The following ARHGEF10L variants were observed in gnomAD, a reference collection of about 807,000 sequenced individuals.
The protein encoded by ARHGEF10L is Rho guanine nucleotide exchange factor 10 like, also known as rho guanine nucleotide exchange factor 10-like protein.
In ARHGEF10L, 69 loss-of-function variants were observed where a neutral mutation model predicts 141.2. That is an observed-to-expected ratio of 0.49 (90% confidence interval 0.40 to 0.60). The LOEUF is 0.60. ARHGEF10L is among the 20% of genes least tolerant of loss of function. The pLI is 0.00. For missense variants in ARHGEF10L, 1,482 were observed against 1,734.3 expected (o/e 0.85, Z 2.58); for synonymous variants, 711 against 718.5 (o/e 0.99, Z 0.17).
chr1:17,657,242 C>A (rs2062325081), intron 25 of ARHGEF10L, among the ~76,000 whole-genome samples: 1 of 152,194 alleles, frequency 6.6e-6, no homozygotes, highest in African/African-American at 2.4e-5. Context: ...GAGGGCAGGG[C>A]TAACCGTGTT....
intron 4 of ARHGEF10L, among the ~76,000 whole-genome samples, chr1:17,599,636 C>CCCATCA (rs1291886665): frequency 6.6e-6 from 1 of 152,144 alleles, no homozygotes; most frequent in African/African-American, 2.4e-5. Flanking sequence ...CTCCCATCAG[C>CCCATCA]CCATCACCCA....
rs1570942898 is a variant in ARHGEF10L at position 17,616,316 on chromosome 1, A to G, written c.835+114A>G. The stretch of plus-strand genomic sequence containing the variant: ...ATGCTGGGTGGGTACCACTTGGCGT[A>G]TGGTTCCTCTGGTGGTGGGGGTTGG... On this transcript the variant is annotated intron_variant, in intron 9 of 28. Coordinates refer to ENST00000361221, the MANE Select transcript of ARHGEF10L (RefSeq NM_018125.4). 3.1e-5 allele frequency: 27 copies of G among 871,390 alleles called. No individual in the cohort carries two copies. The South Asian group carries it at 3.7e-4, about 12-fold the overall frequency. 54.0% of individuals were successfully genotyped at this position (871,390 alleles called of 1,614,324 possible). A position where few individuals can be genotyped will look rare whatever the true frequency, so the allele number is the denominator to read the frequency against.
At chr1:17,564,666 C>T (rs2077677816) in intron 1 of ARHGEF10L, among the ~76,000 whole-genome samples, 1 of 152,206 alleles carries the variant, frequency 6.6e-6, no homozygotes, top group African/African-American at 2.4e-5. Flanking sequence ...ATTTTCTGAA[C>T]CTCTCTATGC....
intron 2 of ARHGEF10L, among the ~76,000 whole-genome samples, chr1:17,585,094 A>C (rs1210210592): frequency 6.6e-6 from 1 of 152,236 alleles, no homozygotes; most frequent in African/African-American, 2.4e-5. Flanking sequence ...CATCTGAAAC[A>C]AAACAAGCTA....
intron 25 of ARHGEF10L, among the ~76,000 whole-genome samples, chr1:17,658,014 G>A (rs78426696): frequency 1.3e-4 from 20 of 152,250 alleles, no homozygotes; most frequent in African/African-American, 4.1e-4. Context: ...CCTGGGGTCC[G>A]TGTTTGGATG....
chr1:17,594,599 C>T (rs1265874693), intron 4 of ARHGEF10L, among the ~76,000 whole-genome samples: 2 of 152,206 alleles, frequency 1.3e-5, no homozygotes, highest in African/African-American at 2.4e-5. Flanking sequence ...TCTTCTGCCT[C>T]GGCCTCCCGA....
the ARHGEF10L span, among the ~76,000 whole-genome samples, chr1:17,524,145 C>T: frequency 1.8e-4 from 28 of 152,008 alleles, no homozygotes; most frequent in East Asian, 5.2e-3. Flanking sequence ...TGGTGTTGTG[C>T]ACCTGTAGTT....
Position 17,627,283 on chromosome 1 carries a change from A to G in ARHGEF10L, c.1411-47A>G, listed in dbSNP as rs749700298. The G allele has an allele frequency of 3.1e-6, 5 of 1,592,872 alleles. No homozygotes were observed. The highest frequency in any genetic ancestry group is 4.3e-6 in the Non-Finnish European group (5 of 1,165,512). ...GTGAGGCTTTGCCCCAGGCTGGGGT[A>G]GAGTTGGTCATGGGTGGGCTGCTCA... On this transcript the variant is annotated intron_variant, in intron 14 of 28. Transcript: ENST00000361221. The surrounding 1 kb of genome is among the most constrained non-coding windows in gnomAD (Gnocchi z 4.0).
In ARHGEF10L at chr1:17,573,115, C is replaced by T. The variant is rs1274614013; in HGVS notation, c.-43-7438C>T. ...ACGCACATGGACCTCCCTTTCCCTG[C>T]CTGCCTCATCCTCCTGGGGGGCTTT... On this transcript the variant is annotated intron_variant, in intron 1 of 28. Transcript: ENST00000361221. The surrounding 1 kb of genome is among the most constrained non-coding windows in gnomAD (Gnocchi z 4.8). Among the ~76,000 whole-genome samples, 1 of 152,196 alleles carries T rather than the reference C, an allele frequency of 6.6e-6. No individual in the cohort carries two copies. The highest frequency in any genetic ancestry group is 1.5e-5 in the Non-Finnish European group (1 of 68,032).
chr1:17,601,634 C>T (rs746922040), intron 4 of ARHGEF10L, among the ~76,000 whole-genome samples: 5 of 152,040 alleles, frequency 3.3e-5, no homozygotes, highest in South Asian at 2.1e-4. Context: ...TTAGTAGAGA[C>T]GGAGTTCCAC....
intron 1 of ARHGEF10L, among the ~76,000 whole-genome samples, chr1:17,564,583 C>A (rs1367098295): frequency 6.6e-6 from 1 of 152,196 alleles, no homozygotes; most frequent in Non-Finnish European, 1.5e-5. Context: ...GGGCTCAAGA[C>A]ACAGGCTCTG....
chr1:17,675,372 ATGCCCCCTC>A (rs1439180596), intron 26 of ARHGEF10L, among the ~76,000 whole-genome samples: 1 of 152,180 alleles, frequency 6.6e-6, no homozygotes, highest in African/African-American at 2.4e-5. Flanking sequence ...GATGTTGGTG[ATGCCCCCTC>A]TGGCTAAGCA....
intron 1 of ARHGEF10L, among the ~76,000 whole-genome samples, chr1:17,556,600 C>G (rs1035059948): frequency 6.6e-6 from 1 of 152,126 alleles, no homozygotes; most frequent in Non-Finnish European, 1.5e-5. Context: ...GCAGTGTGTG[C>G]GAAGGTGCTG....
intron 21 of ARHGEF10L, among the ~76,000 whole-genome samples, chr1:17,640,678 CTG>C (rs1325429851): frequency 3.9e-5 from 6 of 152,204 alleles, no homozygotes; most frequent in Admixed American, 1.3e-4. Flanking sequence ...TTGCTCAACT[CTG>C]TGACTACACC....
intron 26 of ARHGEF10L, among the ~76,000 whole-genome samples, chr1:17,686,643 G>A (rs985179933): frequency 3.3e-5 from 5 of 152,158 alleles, no homozygotes; most frequent in African/African-American, 4.8e-5. Context: ...GCAGGGGTGC[G>A]GCTGTGTGGT....
intron 1 of ARHGEF10L, among the ~76,000 whole-genome samples, chr1:17,561,802 C>T (rs1465323726): frequency 6.6e-6 from 1 of 152,190 alleles, no homozygotes; most frequent in Non-Finnish European, 1.5e-5. Flanking sequence ...GCCCTTGCTT[C>T]TCCTTTCTTG....
In ARHGEF10L at chr1:17,621,139, C is replaced by G. The variant is rs1374845979; in HGVS notation, c.943-725C>G. 6.6e-6 allele frequency among the ~76,000 whole-genome samples: 1 copy of G among 152,168 alleles called. No homozygotes were observed. The highest frequency in any genetic ancestry group is 1.5e-5 in the Non-Finnish European group (1 of 68,026). On this transcript the variant is annotated intron_variant, in intron 10 of 28. Transcript: ENST00000361221. The surrounding 1 kb of genome is among the most constrained non-coding windows in gnomAD (Gnocchi z 4.1). ...ACCACTCGTGTGGGGGGACGGTACC[C>G]CAAGGCCTGTCTTGTGGAAGAGGGA...
chr1:17,672,990 T>C (rs914306692), intron 26 of ARHGEF10L, among the ~76,000 whole-genome samples: 1 of 152,062 alleles, frequency 6.6e-6, no homozygotes, highest in African/African-American at 2.4e-5. Flanking sequence ...CTTTCCTGTG[T>C]CTAGCACTTG....
chr1:17,618,218 C>A, intron 9 of ARHGEF10L: 1 of 1,096,568 alleles, frequency 9.1e-7, no homozygotes, highest in Non-Finnish European at 1.3e-6. Flanking sequence ...TCCTGGGTCA[C>A]CCTCCCAACC....
Sources: allele counts gnomAD v4.1 joint callset (sites outside exome capture counted in the v4.1 genomes callset), GRCh38; gene constraint gnomAD v4.1.1; non-coding constraint Gnocchi (gnomAD v3.1); transcripts MANE v1.5; gene names NCBI Gene and HGNC (gene_info 2026-07-23, HGNC 2026-07-21).